Variants in CSN3 observed in about 807,000 individuals in gnomAD.
CSN3 encodes the protein kappa-casein.
Under a neutral mutation model 9.9 loss-of-function variants are expected in CSN3, and 7 were observed. The observed-to-expected ratio is 0.71, with a 90% CI of 0.40 to 1.33. The LOEUF is 1.33. CSN3 is among the 40% of genes most tolerant of loss of function. The pLI, the probability that CSN3 is intolerant of heterozygous loss-of-function variation, is 0.01. For synonymous variants in CSN3, 88 were observed against 82.3 expected (o/e 1.07, Z -0.37); for missense variants, 253 against 227.9 (o/e 1.11, Z -0.71).
chr4:70,243,266 GT>G, intron 1 of CSN3: 1 of 528,882 alleles, frequency 1.9e-6, no homozygotes, highest in Non-Finnish European at 2.4e-6. Context: ...ATTTTCTTTT[GT>G]TTACATATCA....
At chr4:70,242,531 G>A (rs1325459156), upstream of CSN3, 2 of 151,552 alleles carry the variant, frequency 1.3e-5, no homozygotes, top group Non-Finnish European at 2.9e-5. Context: ...TAAAAAGTAG[G>A]AGGGAAATAG....
intron 1 of CSN3, among the ~76,000 whole-genome samples, chr4:70,244,361 C>T (rs934575049): frequency 3.9e-5 from 6 of 152,074 alleles, no homozygotes; most frequent in Non-Finnish European, 8.8e-5. Context: ...TTAAATACTG[C>T]ATAGGCAAGC....
intron 2 of CSN3, 146 bp from the exon 3 acceptor site, chr4:70,247,672 T>G (rs911204494): frequency 3.1e-6 from 2 of 652,268 alleles, no homozygotes; most frequent in Non-Finnish European, 5.2e-6. Flanking sequence ...TCCATAGGCC[T>G]CATAGATCAC....
intron 2 of CSN3, among the ~76,000 whole-genome samples, chr4:70,246,809 C>A (rs1730387125): frequency 6.6e-6 from 1 of 151,354 alleles, no homozygotes; most frequent in South Asian, 2.1e-4. Context: ...GTAGCTGGGA[C>A]TACAAGTGCC....
At chr4:70,244,376 T>C (rs17148378) in intron 1 of CSN3, among the ~76,000 whole-genome samples, 17,247 of 152,060 alleles carry the variant, frequency 0.11, 1,291 homozygotes, top group East Asian at 0.27. Context: ...GCAAGCCTCA[T>C]CTATATGTCA....
At chr4:70,238,400 A>T (rs1340746564), upstream of CSN3, among the ~76,000 whole-genome samples, 3 of 151,792 alleles carry the variant, frequency 2.0e-5, no homozygotes, top group Non-Finnish European at 4.4e-5. Flanking sequence ...ACATTCTAGG[A>T]ACAGAAATGT....
intron 1 of CSN3, among the ~76,000 whole-genome samples, chr4:70,243,405 G>T (rs3775752): frequency 0.11 from 17,414 of 152,020 alleles, 1,317 homozygotes; most frequent in East Asian, 0.27. Flanking sequence ...AAATATGAGT[G>T]TGCTTAGATT....
intron 2 of CSN3, 23 bp downstream of exon 2, chr4:70,244,896 G>T (rs1730346277): frequency 6.7e-7 from 1 of 1,489,164 alleles, no homozygotes; most frequent in Non-Finnish European, 9.0e-7. Flanking sequence ...CATCTAACCA[G>T]ATTGTACTGA....
At chr4:70,242,989 G>A (rs942983265) in intron 1 of CSN3, among the ~76,000 whole-genome samples, 2 of 152,016 alleles carry the variant, frequency 1.3e-5, no homozygotes, top group African/African-American at 4.8e-5. Context: ...AGGAAGTTGG[G>A]CTCATGATAA....
chr4:70,246,667 A>ACTT (rs1730383223), intron 2 of CSN3, among the ~76,000 whole-genome samples: 1 of 130,400 alleles, frequency 7.7e-6, no homozygotes, highest in East Asian at 2.5e-4. Context: ...TATTCATATT[A>ACTT]CTTCTTTTTT....
rs757560347 is a variant in CSN3 at position 70,249,128 on chromosome 4, A to G, written c.218A>G (p.Asn73Ser). 105 of 1,613,990 alleles carry G rather than the reference A, an allele frequency of 6.5e-5. No homozygotes were observed. The highest frequency in any genetic ancestry group is 8.7e-5 in the Non-Finnish European group (103 of 1,179,982). ...CGTAGACCAGCTATAGCAATTAATA[A>G]TCCATATGTGCCTCGCACATATTAT... Residue 73 changes from asparagine to serine, a missense_variant, in exon 4 of 5, where the codon AAT becomes AGT. Coordinates refer to ENST00000304954, the Ensembl canonical transcript of CSN3.
In CSN3 at chr4:70,249,510, T is replaced by A; in HGVS notation, c.*34+17T>A. On this transcript the variant is annotated intron_variant, in intron 4 of 4. Coordinates refer to ENST00000304954, the Ensembl canonical transcript of CSN3. ...ACAACGCAGGTAAATTAACAGTATA[T>A]AAAATGAGTAATTCCGACAAGAAGC... 7.3e-7 allele frequency: 1 copy of A among 1,362,368 alleles called. No homozygotes were observed. Among genetic ancestry groups the A allele is most frequent in the Non-Finnish European group, 1.0e-6 (1 of 975,772 alleles). 84.4% of individuals were successfully genotyped at this position (1,362,368 alleles called of 1,614,324 possible). A position where few individuals can be genotyped will look rare whatever the true frequency, so the allele number is the denominator to read the frequency against.
chr4:70,244,943 A>G, intron 2 of CSN3, 70 bp downstream of exon 2: 1 of 813,992 alleles, frequency 1.2e-6, no homozygotes, highest in Non-Finnish European at 1.9e-6. Flanking sequence ...TTAACTATGC[A>G]AACTTCTAAA....
chr4:70,244,737 C>A, intron 1 of CSN3, 75 bp from the exon 2 acceptor site: 1 of 728,908 alleles, frequency 1.4e-6, no homozygotes, highest in Non-Finnish European at 2.0e-6. Flanking sequence ...ATCAAGGAAA[C>A]ATTGTATTCA....
intron 4 of CSN3, among the ~76,000 whole-genome samples, chr4:70,250,963 C>T (rs1719418018): frequency 6.6e-6 from 1 of 151,660 alleles, no homozygotes; most frequent in African/African-American, 2.4e-5. Context: ...TTTTGGAGAA[C>T]AAAATAAGAA....
chr4:70,244,931 C>A, intron 2 of CSN3, 58 bp downstream of exon 2: 1 of 1,001,502 alleles, frequency 1.0e-6, no homozygotes, highest in African/African-American at 1.7e-5. Context: ...TGTTTAAGGG[C>A]TTTAACTATG....
upstream of CSN3, among the ~76,000 whole-genome samples, chr4:70,238,570 C>T (rs114535782): frequency 7.4e-3 from 1,117 of 151,886 alleles, 13 homozygotes; most frequent in African/African-American, 0.025. Flanking sequence ...ATAATCATAT[C>T]AGATATATGT....
At chr4:70,248,679 A>G (rs1730424517) in intron 3 of CSN3, among the ~76,000 whole-genome samples, 1 of 152,108 alleles carries the variant, frequency 6.6e-6, no homozygotes, top group African/African-American at 2.4e-5. Flanking sequence ...TTGTACCTAC[A>G]ATAGCTAACA....
At chr4:70,247,464 A>C (rs532787807) in intron 2 of CSN3, among the ~76,000 whole-genome samples, 73 of 152,264 alleles carry the variant, frequency 4.8e-4, no homozygotes, top group African/African-American at 1.7e-3. Flanking sequence ...ATTTTTAACA[A>C]TCTAACAATG....
Sources: allele counts gnomAD v4.1 joint callset (sites outside exome capture counted in the v4.1 genomes callset), GRCh38; gene constraint gnomAD v4.1.1; transcripts MANE v1.5; gene names NCBI Gene and HGNC (gene_info 2026-07-23, HGNC 2026-07-21).